CADPS: variants seen among roughly 807,000 people sequenced by gnomAD.
CADPS encodes calcium dependent secretion activator.
Under a neutral mutation model 167.3 loss-of-function variants are expected in CADPS, and 57 were observed. That is an observed-to-expected ratio of 0.34 (90% CI 0.28 to 0.42). The LOEUF (loss-of-function observed/expected upper bound fraction) is 0.42, where lower values mean the gene tolerates loss of function less well. Among genes scored for constraint, CADPS ranks in the 20% least tolerant of loss-of-function variants. The pLI, the probability that CADPS is intolerant of heterozygous loss-of-function variation, is 1.00. For missense variants in CADPS, 1,414 were observed against 1,738.1 expected, an observed-to-expected ratio of 0.81 and a Z score of 3.32; for synonymous variants, 676 against 635.3, an observed-to-expected ratio of 1.06 and a Z score of -0.96.
chr3:62,777,120 G>T (rs1268696398), intron 1 of CADPS, among the ~76,000 whole-genome samples: 1 of 152,152 alleles, frequency 6.6e-6, no homozygotes, highest in African/African-American at 2.4e-5. Context: ...TACTAGCACA[G>T]CAACATATGA....
chr3:62,464,751 G>A (rs1345749585), intron 26 of CADPS, among the ~76,000 whole-genome samples: 1 of 152,130 alleles, frequency 6.6e-6, no homozygotes, highest in Non-Finnish European at 1.5e-5. Flanking sequence ...AGGTAGGTAT[G>A]TGAATGAGTG....
intron 13 of CADPS, among the ~76,000 whole-genome samples, chr3:62,523,852 A>G (rs773420095): frequency 5.3e-5 from 8 of 152,232 alleles, no homozygotes; most frequent in Non-Finnish European, 8.8e-5. Context: ...CGTAAACATG[A>G]TATATTCTCT....
At chr3:62,829,330 G>C (rs1379531202) in intron 1 of CADPS, among the ~76,000 whole-genome samples, 1 of 152,114 alleles carries the variant, frequency 6.6e-6, no homozygotes, top group African/African-American at 2.4e-5. Flanking sequence ...GGTATTATAA[G>C]TAATCTAGAA....
chr3:62,531,773 C>T lies in CADPS; in HGVS notation c.2291+1098G>A, dbSNP rs115245678. ...GGCTTGTCTTTATACTAATGCAAGG[C>T]TACATACATTGAGATAGTAAACTGG... is the stretch of plus-strand genomic sequence containing the variant. On this transcript the variant is annotated intron_variant, in intron 13 of 29. Transcript: ENST00000383710. 9.9e-3 allele frequency among the ~76,000 whole-genome samples: 1,511 copies of T among 152,214 alleles called. 16 individuals are homozygous for T. The highest frequency in any genetic ancestry group is 0.035 in the African/African-American group (1,440 of 41,518).
intron 3 of CADPS, among the ~76,000 whole-genome samples, chr3:62,700,161 T>A (rs1462005415): frequency 6.6e-6 from 1 of 152,136 alleles, no homozygotes; most frequent in Non-Finnish European, 1.5e-5. Context: ...GGCTAAGACC[T>A]ATGGTAAGAA....
intron 6 of CADPS, among the ~76,000 whole-genome samples, chr3:62,634,238 A>AT (rs141303773): frequency 0.032 from 4,896 of 152,234 alleles, 272 homozygotes; most frequent in African/African-American, 0.11. Context: ...TCATTATTTA[A>AT]TTTTTTTGAA....
intron 8 of CADPS, among the ~76,000 whole-genome samples, chr3:62,576,240 G>A (rs139877583): frequency 4.1e-4 from 62 of 152,254 alleles, no homozygotes; most frequent in African/African-American, 1.4e-3. Context: ...CAGTTTAGAC[G>A]AGTGGTTATA....
chr3:62,509,409 A>C (rs560610811), intron 17 of CADPS, among the ~76,000 whole-genome samples: 1 of 151,868 alleles, frequency 6.6e-6, no homozygotes, highest in East Asian at 1.9e-4. Flanking sequence ...TCCTGTGGGG[A>C]TGAGATTCAC....
intron 3 of CADPS, among the ~76,000 whole-genome samples, chr3:62,721,135 A>T (rs542640903): frequency 0.27 from 22,360 of 82,474 alleles, 2,617 homozygotes; most frequent in African/African-American, 0.53. Flanking sequence ...TTTTTTTTTT[A>T]AAAAAAAAAA....
intron 10 of CADPS, among the ~76,000 whole-genome samples, chr3:62,553,602 A>AT (rs1385168786): frequency 6.6e-6 from 1 of 152,204 alleles, no homozygotes; most frequent in Non-Finnish European, 1.5e-5. Flanking sequence ...ATGAAGCCTA[A>AT]TTTTGGAGTG....
chr3:62,474,163 T>TTTTTTTTTTTTTC lies in CADPS; in HGVS notation c.3477+9_3477+10insGAAAAAAAAAAAA. ...GAAAAAAAAATCTGTATTTTTTTTT[T>TTTTTTTTTTTTTC]TTTTTTTACCTCTTGGCCCATTTCC... On this transcript the variant is annotated intron_variant, in intron 24 of 29. Transcript: ENST00000383710. 2.1e-6 allele frequency: 3 copies of TTTTTTTTTTTTTC among 1,402,004 alleles called. No individual in the cohort carries two copies. In the African/African-American group the frequency reaches 4.7e-5, roughly 22 times the overall value. 86.8% of individuals were successfully genotyped at this position (1,402,004 alleles called of 1,614,324 possible).
At chr3:62,855,116 T>C in intron 1 of CADPS, among the ~76,000 whole-genome samples, 1 of 148,952 alleles carries the variant, frequency 6.7e-6, no homozygotes, top group East Asian at 2.0e-4. Context: ...TTTTGTCTTT[T>C]AGTAGAGATG....
chr3:62,515,141 T>C (rs1293150613), intron 16 of CADPS, among the ~76,000 whole-genome samples: 2 of 152,040 alleles, frequency 1.3e-5, no homozygotes, highest in African/African-American at 2.4e-5. Context: ...GGTTAGTTTC[T>C]TTTCCCCCCA....
At chr3:62,688,241 A>T (rs1399462413) in intron 3 of CADPS, among the ~76,000 whole-genome samples, 1 of 13,488 alleles carries the variant, frequency 7.4e-5, no homozygotes, top group Non-Finnish European at 1.6e-3. Flanking sequence ...TTCCCCTGTC[A>T]TGCTAACCAA....
chr3:62,530,717 T>C (rs1201541527), intron 13 of CADPS: 19 of 1,289,132 alleles, frequency 1.5e-5, no homozygotes, highest in African/African-American at 3.0e-5. Context: ...CTTTTTGGTA[T>C]CTTTTTTAGC....
chr3:62,800,789 AAAC>A (rs2093713233), intron 1 of CADPS, among the ~76,000 whole-genome samples: 2 of 152,196 alleles, frequency 1.3e-5, no homozygotes, highest in South Asian at 2.1e-4. Context: ...GAATAAACCA[AAAC>A]AACAACAAAA....
At chr3:62,808,437 G>T (rs1476551745) in intron 1 of CADPS, among the ~76,000 whole-genome samples, 1 of 151,946 alleles carries the variant, frequency 6.6e-6, no homozygotes, top group Non-Finnish European at 1.5e-5. Context: ...AGGGTCAAAG[G>T]GTGCGGTCAA....
At chr3:62,822,612 C>T (rs745422962) in intron 1 of CADPS, among the ~76,000 whole-genome samples, 1 of 152,138 alleles carries the variant, frequency 6.6e-6, no homozygotes, top group Non-Finnish European at 1.5e-5. Flanking sequence ...GAGGCCGAGA[C>T]GGGTGGATCA....
At chr3:62,763,030 C>G (rs1475612234) in intron 2 of CADPS, among the ~76,000 whole-genome samples, 2 of 152,040 alleles carry the variant, frequency 1.3e-5, no homozygotes, top group Non-Finnish European at 2.9e-5. Context: ...AGCATATATT[C>G]CCCGTTTTGG....
Sources: gnomAD v4.1 joint callset for allele counts (sites outside exome capture counted in the v4.1 genomes callset) on GRCh38, gnomAD v4.1.1 for gene constraint, MANE v1.5 for transcripts, NCBI Gene and HGNC (gene_info 2026-07-23, HGNC 2026-07-21) for gene names.